Variants in CNTN5 observed in about 807,000 individuals in gnomAD.
CNTN5 encodes contactin-5.
A neutral mutation model predicts 129.1 loss-of-function variants in CNTN5; 77 were observed. That is an observed-to-expected ratio of 0.60 (90% CI 0.50 to 0.72). The LOEUF is 0.72. CNTN5 is among the 30% of genes least tolerant of loss of function. CNTN5 has a pLI of 0.00. For missense variants in CNTN5, 1,478 were observed against 1,328.8 expected (o/e 1.11, Z -1.75); for synonymous variants, 509 against 465.6 (o/e 1.09, Z -1.20).
intron 21 of CNTN5, among the ~76,000 whole-genome samples, chr11:100,335,964 TA>T (rs1184697414): frequency 9.2e-5 from 14 of 151,998 alleles, no homozygotes; most frequent in African/African-American, 3.4e-4. Flanking sequence ...TTACAAATAA[TA>T]AAAATCAGAA....
intron 9 of CNTN5, among the ~76,000 whole-genome samples, chr11:100,009,180 C>T (rs925008256): frequency 1.3e-5 from 2 of 152,160 alleles, no homozygotes; most frequent in Middle Eastern, 3.4e-3. Context: ...CCTAAAGAAA[C>T]CTCTACTTAA....
intron 1 of CNTN5, among the ~76,000 whole-genome samples, chr11:99,073,374 G>GTTTTTTT (rs750531770): frequency 1.3e-3 from 81 of 61,164 alleles, no homozygotes; most frequent in Middle Eastern, 0.015. Flanking sequence ...TTATGGTTTG[G>GTTTTTTT]TTTTTTTTTT....
At chr11:99,168,764 A>C (rs886588417) in intron 1 of CNTN5, among the ~76,000 whole-genome samples, 6 of 152,258 alleles carry the variant, frequency 3.9e-5, no homozygotes, top group African/African-American at 1.4e-4. Context: ...AATAAAATAT[A>C]TTAAAATGTG....
intron 13 of CNTN5, among the ~76,000 whole-genome samples, chr11:100,150,542 C>G (rs1011340635): frequency 6.6e-6 from 1 of 150,630 alleles, no homozygotes; most frequent in African/African-American, 2.4e-5. Flanking sequence ...ATAAATATTT[C>G]AAAAACTCTA....
chr11:99,568,288 T>A (rs1039309808), intron 3 of CNTN5, among the ~76,000 whole-genome samples: 2 of 152,188 alleles, frequency 1.3e-5, no homozygotes, highest in Non-Finnish European at 2.9e-5. Flanking sequence ...AATAATTACA[T>A]TGATTTTCTT....
At chr11:99,799,815 G>A (rs1398057001) in intron 3 of CNTN5, among the ~76,000 whole-genome samples, 1 of 152,054 alleles carries the variant, frequency 6.6e-6, no homozygotes, top group Non-Finnish European at 1.5e-5. Flanking sequence ...AAATTGGGTA[G>A]AATTGGTACC....
chr11:99,148,877 T>C (rs1473893822), intron 1 of CNTN5, among the ~76,000 whole-genome samples: 1 of 152,138 alleles, frequency 6.6e-6, no homozygotes, highest in African/African-American at 2.4e-5. Flanking sequence ...AAATTTAATA[T>C]AAAATTATGT....
chr11:99,363,643 G>T (rs1297009611), intron 2 of CNTN5, among the ~76,000 whole-genome samples: 1 of 151,994 alleles, frequency 6.6e-6, no homozygotes, highest in Non-Finnish European at 1.5e-5. Context: ...TTTTCCTAGG[G>T]ATTAGCCTAC....
intron 1 of CNTN5, among the ~76,000 whole-genome samples, chr11:99,319,026 C>A (rs1355636295): frequency 6.6e-6 from 1 of 152,116 alleles, no homozygotes; most frequent in Non-Finnish European, 1.5e-5. Flanking sequence ...TTGGACTGTG[C>A]TATTCCAGAT....
intron 13 of CNTN5, among the ~76,000 whole-genome samples, chr11:100,094,544 C>T (rs1265832750): frequency 1.3e-5 from 2 of 151,972 alleles, no homozygotes; most frequent in Non-Finnish European, 2.9e-5. Context: ...GAGTAAAGCC[C>T]TGATGTGTGT....
At chr11:99,812,006 C>T (rs1379523384) in intron 3 of CNTN5, among the ~76,000 whole-genome samples, 2 of 151,966 alleles carry the variant, frequency 1.3e-5, no homozygotes, top group African/African-American at 2.4e-5. Flanking sequence ...ATTATCCGTC[C>T]TGTATGATGG....
At chr11:99,910,954 T>C (rs191995302) in intron 6 of CNTN5, among the ~76,000 whole-genome samples, 93 of 152,176 alleles carry the variant, frequency 6.1e-4, no homozygotes, top group African/African-American at 1.9e-3. Context: ...ACTTTGCAAG[T>C]GAGGCAGCAA....
intron 2 of CNTN5, among the ~76,000 whole-genome samples, chr11:99,527,616 CCTCT>C (rs961109191): frequency 6.6e-6 from 1 of 151,998 alleles, no homozygotes; most frequent in African/African-American, 2.4e-5. Flanking sequence ...AAAAAAATAA[CCTCT>C]CTATTTTCAT....
chr11:99,442,046 A>T (rs1219770739), intron 2 of CNTN5, among the ~76,000 whole-genome samples: 1 of 152,174 alleles, frequency 6.6e-6, no homozygotes, highest in Non-Finnish European at 1.5e-5. Context: ...GATCATCCTA[A>T]GCAGAATTGC....
intron 3 of CNTN5, among the ~76,000 whole-genome samples, chr11:99,809,785 A>G (rs761016207): frequency 3.3e-5 from 5 of 152,168 alleles, no homozygotes; most frequent in East Asian, 1.9e-4. Context: ...TTGCTAAGCA[A>G]TGCTAGCTTT....
At chr11:99,252,685 A>T (rs752122668) in intron 1 of CNTN5, among the ~76,000 whole-genome samples, 13 of 151,992 alleles carry the variant, frequency 8.6e-5, no homozygotes, top group Non-Finnish European at 1.3e-4. Flanking sequence ...TTAATTCGCT[A>T]GTTACTAATC....
intron 1 of CNTN5, among the ~76,000 whole-genome samples, chr11:99,310,990 G>C (rs376575043): frequency 6.6e-6 from 1 of 152,110 alleles, no homozygotes; most frequent in East Asian, 1.9e-4. Flanking sequence ...GGAATGCGGT[G>C]GTGCTGTCTT....
intron 3 of CNTN5, among the ~76,000 whole-genome samples, chr11:99,667,468 T>C (rs1952839317): frequency 6.6e-6 from 1 of 152,196 alleles, no homozygotes; most frequent in African/African-American, 2.4e-5. Context: ...AGTAAAGTTG[T>C]ATATACAAGT....
At chr11:99,512,644 T>C (rs758717446) in intron 2 of CNTN5, among the ~76,000 whole-genome samples, 8 of 152,150 alleles carry the variant, frequency 5.3e-5, no homozygotes, top group Non-Finnish European at 8.8e-5. Context: ...TAGAATAGTT[T>C]CAAGCTTTTT....
Sources: gnomAD v4.1 joint callset for allele counts (sites outside exome capture counted in the v4.1 genomes callset) on GRCh38, gnomAD v4.1.1 for gene constraint, MANE v1.5 for transcripts, NCBI Gene and HGNC (gene_info 2026-07-23, HGNC 2026-07-21) for gene names.